Variants in KCP observed in about 807,000 individuals in gnomAD.
The protein encoded by KCP is kielin cysteine rich BMP regulator.
KCP carries 194 observed loss-of-function variants against 212.7 expected under a neutral mutation model. That is an observed-to-expected ratio of 0.91 (90% CI 0.81 to 1.03). The LOEUF is 1.03. Ranked by LOEUF, KCP falls within the 50% of genes least tolerant of loss-of-function variation. The pLI is 0.00. For synonymous variants in KCP, 833 were observed against 865.3 expected (o/e 0.96, Z 0.65); for missense variants, 2,080 against 2,162.5 (o/e 0.96, Z 0.76).
intron 22 of KCP, among the ~76,000 whole-genome samples, chr7:128,887,716 T>A (rs1009635885): frequency 8.7e-6 from 1 of 114,890 alleles, no homozygotes; most frequent in African/African-American, 3.4e-5. Flanking sequence ...CACACAGCCA[T>A]AGACACACAC....
intron 8 of KCP, among the ~76,000 whole-genome samples, chr7:128,900,552 T>C (rs186449797): frequency 2.0e-5 from 3 of 152,376 alleles, no homozygotes; most frequent in African/African-American, 7.2e-5. Flanking sequence ...TGAGATAATT[T>C]TACTGATTTT....
intron 22 of KCP, among the ~76,000 whole-genome samples, chr7:128,888,465 AACAC>A (rs972388759): frequency 1.0e-4 from 11 of 109,390 alleles, no homozygotes; most frequent in Non-Finnish European, 1.8e-4. Flanking sequence ...CACACAGAGC[AACAC>A]ACACACACAG....
rs1224185575 is a variant in KCP, at chr7:128,878,739, G to C, written c.4147-17C>G. ...CCACAGCACCTGTGTGGAGAGGCCT[G>C]AGACTGGGGAGCAGGGAAGGACAGG... On this transcript the variant is annotated splice_polypyrimidine_tract_variant and intron_variant, in intron 37 of 39. Coordinates refer to ENST00000610776, the MANE Select transcript of KCP (RefSeq NM_001366122.1). 1.9e-6 allele frequency: 3 copies of C among 1,545,348 alleles called. No homozygotes were observed. Among genetic ancestry groups the C allele is most frequent in the Non-Finnish European group, 2.6e-6 (3 of 1,146,136 alleles).
intron 34 of KCP, 116 bp from the exon 35 acceptor site, chr7:128,880,201 C>T (rs770841217): frequency 7.7e-7 from 1 of 1,306,702 alleles, no homozygotes; most frequent in Non-Finnish European, 1.0e-6. Flanking sequence ...AGGACTCTGG[C>T]TCCCAGGCTC....
At chr7:128,879,684 G>T in intron 36 of KCP, 34 bp downstream of exon 36, 1 of 1,546,406 alleles carries the variant, frequency 6.5e-7, no homozygotes. Flanking sequence ...GACAGCACAG[G>T]ATCCACCTTC....
chr7:128,891,374 C>G, intron 18 of KCP, 77 bp downstream of exon 18: 6 of 1,545,650 alleles, frequency 3.9e-6, no homozygotes. Flanking sequence ...ACCCCTCCCA[C>G]CTGGGCGGGC....
chr7:128,884,292 A>C (rs1793511020), intron 28 of KCP, among the ~76,000 whole-genome samples, 170 bp from the exon 29 acceptor site: 1 of 152,138 alleles, frequency 6.6e-6, no homozygotes, highest in Admixed American at 6.5e-5. Context: ...CGTGCTCCTC[A>C]CCCCATGCCC....
In KCP at chr7:128,902,778, AGGCACCGGCAGATTC is replaced by A; in HGVS notation, c.815_829del (p.Arg272_Cys276del). ...ACCAGGAGCAGCCTCAGGACTCACCAGGCACCGGCAGATTCGGCAGGGGTCCCCAGGTGTTGTCCA... is the reference window on the plus strand; with the variant it reads ...ACCAGGAGCAGCCTCAGGACTCACCAGGCAGGGGTCCCCAGGTGTTGTCCA... On this transcript the variant is annotated inframe_deletion and splice_region_variant, in exon 8 of 40. Transcript: ENST00000610776. The A allele has an allele frequency of 6.4e-7, 1 of 1,551,462 alleles. No homozygotes were observed. The highest frequency in any genetic ancestry group is 8.7e-7 in the Non-Finnish European group (1 of 1,146,920).
At chr7:128,888,013 A>C (rs1793796221) in intron 22 of KCP, among the ~76,000 whole-genome samples, 1 of 147,094 alleles carries the variant, frequency 6.8e-6, no homozygotes, top group African/African-American at 2.6e-5. Context: ...ATACACACCC[A>C]CACACAGCCA....
chr7:128,908,348 C>G (rs1795265632), intron 2 of KCP, 78 bp downstream of exon 2: 1 of 1,394,290 alleles, frequency 7.2e-7, no homozygotes, highest in Non-Finnish European at 9.6e-7. Flanking sequence ...CTCCCCCCTC[C>G]AAGCCTAACT....
At chr7:128,883,903 G>A in intron 29 of KCP, 99 bp downstream of exon 29, 1 of 1,398,704 alleles carries the variant, frequency 7.1e-7, no homozygotes, top group South Asian at 1.4e-5. Flanking sequence ...CAGTCCACTG[G>A]AGTCAGGAAG....
At position 128,906,310 on chromosome 7, in the gene KCP, C is replaced by T. The variant is rs1795116580; in HGVS notation, c.540G>A (p.Glu180=). 1.1e-5 allele frequency: 17 copies of T among 1,550,972 alleles called. No homozygotes were observed. The highest frequency in any genetic ancestry group is 1.4e-5 in the Non-Finnish European group (16 of 1,146,950). The part of the protein sequence containing the change: ...QKPCPRGPCP[E]PGACCPHCKP... ...TACAGTGCGGGCAGCATGCTCCTGG[C>T]TCAGGGCAGGGTCCTCTTGGGCATG... Residue 180 remains glutamate, a synonymous_variant, in exon 5 of 40, where the codon GAG becomes GAA. Coordinates refer to ENST00000610776, the MANE Select transcript of KCP (RefSeq NM_001366122.1).
chr7:128,888,959 G>GACAGGTAC lies in KCP; in HGVS notation c.2408_2415dup (p.Leu806ValfsTer8), dbSNP rs1793914501. The GACAGGTAC allele has an allele frequency of 6.4e-7, 1 of 1,550,610 alleles. No homozygotes were observed. The highest frequency in any genetic ancestry group is 8.7e-7 in the Non-Finnish European group (1 of 1,146,602). The stretch of plus-strand genomic sequence containing the variant: ...CGGCCGCAGGTCACGAAGCCTCCAA[G>GACAGGTAC]ACAGGTACACAGGTTGCAGGGTTCT... On this transcript the variant is annotated frameshift_variant, in exon 22 of 40. Transcript: ENST00000610776. LOFTEE classifies it high-confidence loss of function.
At chr7:128,890,307 TC>T in intron 21 of KCP, 35 bp downstream of exon 21, 1 of 1,551,440 alleles carries the variant, frequency 6.4e-7, no homozygotes, top group Non-Finnish European at 8.7e-7. Flanking sequence ...GTCTCCCGCA[TC>T]CCACCCCGGC....
chr7:128,894,080 G>A (rs767525016), intron 9 of KCP, 25 bp from the exon 10 acceptor site: 119 of 1,542,590 alleles, frequency 7.7e-5, no homozygotes, highest in African/African-American at 1.2e-4. Flanking sequence ...GGCCTTAGAT[G>A]TTCCTCAGGG....
intron 37 of KCP, chr7:128,879,144 G>GCCTTGTCCT: frequency 2.9e-6 from 1 of 348,474 alleles, no homozygotes; most frequent in South Asian, 5.2e-5. Flanking sequence ...GGGGGCAGGG[G>GCCTTGTCCT]GCAAATTACT....
chr7:128,887,158 C>G, intron 23 of KCP, 57 bp downstream of exon 23: 1 of 1,443,430 alleles, frequency 6.9e-7, no homozygotes, highest in Non-Finnish European at 9.5e-7. Flanking sequence ...CTCTTCCTGG[C>G]CAGAGAGGAG....
chr7:128,893,671 GAGA>G (rs1794328886), intron 11 of KCP, 132 bp downstream of exon 11: 4 of 1,053,534 alleles, frequency 3.8e-6, no homozygotes, highest in Non-Finnish European at 5.5e-6. Context: ...AGTTTGCCAT[GAGA>G]AGGTGTGGTG....
At position 128,893,271 on chromosome 7, in the gene KCP, C is replaced by T; in HGVS notation, c.1234G>A (p.Ala412Thr). The change falls in exon 13 of 40, where the codon GCC becomes ACC. Residue 412 changes from alanine to threonine, a missense_variant. By Grantham distance (58) the Ala-to-Thr change is moderately conservative. Transcript: ENST00000610776. ...AGCTGGCGGCCAGAGGCAGGCAGGG[C>T]ACAGGGGGTGACTGGGCACTCCTGC... Reference protein sequence around the residue: ...EEQECPVTPCALPASGRQLCP... With the variant: ...EEQECPVTPCTLPASGRQLCP... 3.2e-6 allele frequency: 5 copies of T among 1,551,464 alleles called. No individual in the cohort carries two copies. The highest frequency in any genetic ancestry group is 2.0e-5 in the Admixed American group (1 of 50,998).
Sources: gnomAD v4.1 joint callset for allele counts (sites outside exome capture counted in the v4.1 genomes callset) on GRCh38, gnomAD v4.1.1 for gene constraint, MANE v1.5 for transcripts, NCBI Gene and HGNC (gene_info 2026-07-23, HGNC 2026-07-21) for gene names.